The following FCHSD2 variants were observed in gnomAD, a reference collection of about 807,000 sequenced individuals.
FCHSD2 encodes the protein F-BAR and double SH3 domains protein 2.
Under a neutral mutation model 108.1 loss-of-function variants are expected in FCHSD2, and 38 were observed. That is an observed-to-expected ratio of 0.35 (90% confidence interval 0.27 to 0.46). The LOEUF (loss-of-function observed/expected upper bound fraction) is 0.46, where lower values mean the gene tolerates loss of function less well. FCHSD2 is among the 20% of genes least tolerant of loss of function. The pLI is 1.00. For missense variants in FCHSD2, 751 were observed against 897.8 expected (o/e 0.84, Z 2.09); for synonymous variants, 279 against 314.7 (o/e 0.89, Z 1.20).
At chr11:73,111,871 C>T (rs1860494611) in intron 2 of FCHSD2, among the ~76,000 whole-genome samples, 1 of 152,092 alleles carries the variant, frequency 6.6e-6, no homozygotes, top group South Asian at 2.1e-4. Flanking sequence ...AAAAAGAAAA[C>T]TAATAAAAAC....
At chr11:73,101,057 A>T (rs967684493) in intron 2 of FCHSD2, among the ~76,000 whole-genome samples, 1 of 152,094 alleles carries the variant, frequency 6.6e-6, no homozygotes, top group African/African-American at 2.4e-5. Flanking sequence ...ACCAGTACCC[A>T]CTAACCAGTC....
intron 2 of FCHSD2, among the ~76,000 whole-genome samples, chr11:73,127,477 C>T (rs1189399499): frequency 6.6e-6 from 1 of 152,178 alleles, no homozygotes. Context: ...TAATTAGTTA[C>T]TGAAAAGCCA....
At chr11:73,124,737 C>T (rs1860813804) in intron 2 of FCHSD2, among the ~76,000 whole-genome samples, 1 of 150,156 alleles carries the variant, frequency 6.7e-6, no homozygotes, top group Non-Finnish European at 1.5e-5. Flanking sequence ...GCCTGGGCAA[C>T]AGAGTGAGAC....
chr11:72,907,599 GTT>G (rs35079551), intron 9 of FCHSD2, among the ~76,000 whole-genome samples: 13 of 114,656 alleles, frequency 1.1e-4, no homozygotes, highest in South Asian at 2.8e-4. Flanking sequence ...AATCACGTGG[GTT>G]TTTTTTTTTT....
At chr11:72,903,390 T>C (rs1052116460) in intron 9 of FCHSD2, among the ~76,000 whole-genome samples, 1 of 152,190 alleles carries the variant, frequency 6.6e-6, no homozygotes, top group South Asian at 2.1e-4. Context: ...CTAATTTTTT[T>C]GTATTTTTTT....
At chr11:73,001,256 T>C in intron 4 of FCHSD2, 122 bp from the exon 5 acceptor site, 1 of 796,142 alleles carries the variant, frequency 1.3e-6, no homozygotes, top group Non-Finnish European at 2.0e-6. Context: ...GTATTTATAA[T>C]GGCTTATAGG....
intron 2 of FCHSD2, among the ~76,000 whole-genome samples, chr11:73,118,673 C>A (rs546790116): frequency 6.0e-4 from 92 of 152,248 alleles, no homozygotes; most frequent in African/African-American, 2.2e-3. Flanking sequence ...TTACTGATTT[C>A]TATTTTCATT....
intron 2 of FCHSD2, among the ~76,000 whole-genome samples, chr11:73,115,223 G>A (rs1294455006): frequency 6.6e-6 from 1 of 152,164 alleles, no homozygotes; most frequent in Non-Finnish European, 1.5e-5. Context: ...GAGTTCAATG[G>A]AGGGTCTCAA....
At chr11:72,876,155 T>G (rs1854965169) in intron 12 of FCHSD2, among the ~76,000 whole-genome samples, 1 of 151,988 alleles carries the variant, frequency 6.6e-6, no homozygotes, top group Non-Finnish European at 1.5e-5. Flanking sequence ...CAAGACCCTA[T>G]CTCTATAAAA....
At chr11:72,916,199 T>A (rs1036811641) in intron 9 of FCHSD2, among the ~76,000 whole-genome samples, 1 of 152,108 alleles carries the variant, frequency 6.6e-6, no homozygotes, top group Non-Finnish European at 1.5e-5. Context: ...ATCCTGCACA[T>A]GTACCCCTGA....
At chr11:72,901,750 T>C (rs1012252558) in intron 10 of FCHSD2, among the ~76,000 whole-genome samples, 4 of 152,194 alleles carry the variant, frequency 2.6e-5, no homozygotes, top group Non-Finnish European at 5.9e-5. Flanking sequence ...TTTATGTAAG[T>C]GCTTTAATAT....
intron 3 of FCHSD2, among the ~76,000 whole-genome samples, chr11:73,018,683 A>T (rs973799578): frequency 6.6e-6 from 1 of 152,126 alleles, no homozygotes; most frequent in Admixed American, 6.6e-5. Context: ...TCTGTGTTAG[A>T]AGTCTTTGAA....
intron 8 of FCHSD2, among the ~76,000 whole-genome samples, chr11:72,967,616 G>A (rs548502233): frequency 1.8e-4 from 27 of 152,276 alleles, no homozygotes; most frequent in African/African-American, 6.0e-4. Context: ...AGGGAGTAGG[G>A]AGAACACAAA....
intron 1 of FCHSD2, among the ~76,000 whole-genome samples, chr11:73,140,627 ACT>A (rs1204746623): frequency 6.6e-6 from 1 of 152,240 alleles, no homozygotes; most frequent in African/African-American, 2.4e-5. Flanking sequence ...GAAAAAGCAC[ACT>A]GTCTCAGAAT....
chr11:72,937,268 C>T (rs1156529450), intron 8 of FCHSD2, among the ~76,000 whole-genome samples: 1 of 152,186 alleles, frequency 6.6e-6, no homozygotes, highest in Non-Finnish European at 1.5e-5. Context: ...AATAGGACTG[C>T]TGCAAACAAA....
At chr11:72,943,261 G>A (rs1157862246) in intron 8 of FCHSD2, among the ~76,000 whole-genome samples, 2 of 152,114 alleles carry the variant, frequency 1.3e-5, no homozygotes, top group East Asian at 1.9e-4. Flanking sequence ...CCAAAGTGCT[G>A]GGATTACAGG....
At chr11:72,902,138 G>A (rs954895535) in intron 10 of FCHSD2, among the ~76,000 whole-genome samples, 2 of 152,126 alleles carry the variant, frequency 1.3e-5, no homozygotes, top group African/African-American at 2.4e-5. Flanking sequence ...GCCTCCCAAA[G>A]TGCTGAGATT....
At chr11:73,052,627 G>T (rs562558807) in intron 3 of FCHSD2, among the ~76,000 whole-genome samples, 1 of 152,224 alleles carries the variant, frequency 6.6e-6, no homozygotes, top group East Asian at 1.9e-4. Context: ...AATTCTTAGT[G>T]TTTCTGCAAG....
chr11:72,993,675 G>T (rs574361740), intron 5 of FCHSD2, among the ~76,000 whole-genome samples: 1 of 149,574 alleles, frequency 6.7e-6, no homozygotes, highest in Admixed American at 6.7e-5. Context: ...ACCAAACACC[G>T]CATGTTCTCA....
Sources: allele counts gnomAD v4.1 joint callset (sites outside exome capture counted in the v4.1 genomes callset), GRCh38; gene constraint gnomAD v4.1.1; transcripts MANE v1.5; gene names NCBI Gene and HGNC (gene_info 2026-07-23, HGNC 2026-07-21).